The following TRHDE variants were observed in gnomAD, a reference collection of about 807,000 sequenced individuals.
TRHDE encodes the protein thyrotropin-releasing hormone-degrading ectoenzyme.
In TRHDE, 72 loss-of-function variants were observed where a neutral mutation model predicts 125.7. The ratio of observed to expected loss-of-function variants is 0.57; its 90% CI spans 0.47 to 0.70. The LOEUF (loss-of-function observed/expected upper bound fraction) is 0.70, where lower values mean the gene tolerates loss of function less well. TRHDE is among the 30% of genes least tolerant of loss of function. The pLI is 0.00. For missense variants in TRHDE, 1,110 were observed against 1,327.1 expected (o/e 0.84, Z 2.54); for synonymous variants, 509 against 509.1 (o/e 1.00, Z 0.00).
chr12:72,465,234 GGTACAGTAAT>G (rs1876314431), intron 3 of TRHDE, among the ~76,000 whole-genome samples: 6 of 151,700 alleles, frequency 4.0e-5, no homozygotes, highest in Admixed American at 3.3e-4. Flanking sequence ...GCTTCATTCA[GGTACAGTAAT>G]GTACAGTAAG....
At chr12:72,384,916 A>G (rs1592407569) in intron 3 of TRHDE, among the ~76,000 whole-genome samples, 1 of 152,068 alleles carries the variant, frequency 6.6e-6, no homozygotes, top group African/African-American at 2.4e-5. Context: ...TGGACATTTT[A>G]TCCTCTGTGG....
chr12:72,360,068 C>A (rs73145000), intron 2 of TRHDE, among the ~76,000 whole-genome samples: 4,834 of 151,678 alleles, frequency 0.032, 107 homozygotes, highest in Non-Finnish European at 0.046. Flanking sequence ...AAAATGAGAT[C>A]CCTATTTCAC....
intron 2 of TRHDE, among the ~76,000 whole-genome samples, chr12:72,165,602 G>A (rs1876727098): frequency 6.6e-6 from 1 of 151,684 alleles, no homozygotes; most frequent in African/African-American, 2.4e-5. Flanking sequence ...ATATATACAT[G>A]TATGTATATA....
chr12:72,497,751 T>C (rs1035871233), intron 5 of TRHDE, among the ~76,000 whole-genome samples: 2 of 152,126 alleles, frequency 1.3e-5, no homozygotes, highest in South Asian at 2.1e-4. Context: ...TCTTTTGAAA[T>C]TGATACATAA....
rs116044982 is a variant in TRHDE at position 72,251,512 on chromosome 12, G to T, written n.280-126483G>T. Among the ~76,000 whole-genome samples, 620 of 148,960 alleles carry T rather than the reference G, an allele frequency of 4.2e-3. 6 individuals are homozygous for T. The highest frequency in any genetic ancestry group is 0.014 in the African/African-American group (556 of 40,396). On this transcript the variant is annotated intron_variant and non_coding_transcript_variant, in intron 2 of 4. Coordinates refer to the TRHDE transcript ENST00000548156. Reference sequence around the variant, plus strand: ...ATAGTTCATTCCTTTTTATTGCTGAGTTCTACTTCATGGTAGATATAGATG... The same window carrying T: ...ATAGTTCATTCCTTTTTATTGCTGATTTCTACTTCATGGTAGATATAGATG...
At chr12:72,097,819 T>C (rs1265891856) in intron 1 of TRHDE, among the ~76,000 whole-genome samples, 1 of 152,080 alleles carries the variant, frequency 6.6e-6, no homozygotes, top group Non-Finnish European at 1.5e-5. Flanking sequence ...TGTCACAGAT[T>C]TCAGAGTTAA....
At chr12:72,475,618 T>A (rs753586528) in intron 5 of TRHDE, among the ~76,000 whole-genome samples, 8 of 152,178 alleles carry the variant, frequency 5.3e-5, no homozygotes, top group Non-Finnish European at 1.0e-4. Flanking sequence ...GGAAAATATT[T>A]TTAGAGGTAT....
intron 2 of TRHDE, among the ~76,000 whole-genome samples, chr12:72,183,474 T>C (rs1164710414): frequency 1.3e-5 from 2 of 152,178 alleles, no homozygotes; most frequent in Non-Finnish European, 2.9e-5. Flanking sequence ...TGTGAATACA[T>C]TTGTCATAGT....
chr12:72,583,317 G>A (rs963883810), intron 12 of TRHDE, among the ~76,000 whole-genome samples: 9 of 152,138 alleles, frequency 5.9e-5, no homozygotes, highest in South Asian at 2.1e-4. Flanking sequence ...TTTCTAACCG[G>A]TATAAGTTGT....
At chr12:72,420,778 G>A (rs986658735) in intron 3 of TRHDE, among the ~76,000 whole-genome samples, 7 of 152,080 alleles carry the variant, frequency 4.6e-5, no homozygotes, top group African/African-American at 1.7e-4. Flanking sequence ...CAAATGTAGG[G>A]AATATATCTC....
intron 2 of TRHDE, among the ~76,000 whole-genome samples, chr12:72,111,972 G>T (rs987801470): frequency 3.9e-5 from 6 of 151,952 alleles, no homozygotes; most frequent in African/African-American, 1.5e-4. Flanking sequence ...ACAGTGTTTG[G>T]TTGGGGGAAA....
rs375658819 is a variant in TRHDE, at chr12:72,666,707, C to T, written c.*3512C>T. On this transcript the variant is annotated 3_prime_UTR_variant, in exon 19 of 19. Transcript: ENST00000261180. ...GGAGATTTTCCAAATACTAGACCAG[C>T]ATCAAAATACACAGTTAAATATATT... 1 of 152,038 alleles carries T rather than the reference C, an allele frequency of 6.6e-6. No individual in the cohort carries two copies. Among genetic ancestry groups the T allele is most frequent in the African/African-American group, 2.4e-5 (1 of 41,424 alleles). 9.4% of individuals were successfully genotyped at this position (152,038 alleles called of 1,614,324 possible). A position where few individuals can be genotyped will look rare whatever the true frequency, so the allele number is the denominator to read the frequency against.
chr12:72,295,992 T>C (rs1880285281), intron 2 of TRHDE, among the ~76,000 whole-genome samples: 1 of 152,242 alleles, frequency 6.6e-6, no homozygotes, highest in Non-Finnish European at 1.5e-5. Flanking sequence ...TCCTCTCTAC[T>C]TTTTGAAAAC....
chr12:72,136,784 GT>G (rs1875996144), intron 2 of TRHDE, among the ~76,000 whole-genome samples: 1 of 152,164 alleles, frequency 6.6e-6, no homozygotes, highest in Non-Finnish European at 1.5e-5. Context: ...CCCAGCACCT[GT>G]TTTTTTATGG....
chr12:72,258,566 T>C (rs1222372463), intron 2 of TRHDE, among the ~76,000 whole-genome samples: 1 of 152,140 alleles, frequency 6.6e-6, no homozygotes, highest in Non-Finnish European at 1.5e-5. Flanking sequence ...TTACAGAAAA[T>C]TTACATGAAT....
chr12:72,562,496 T>C (rs1870226030), intron 8 of TRHDE, among the ~76,000 whole-genome samples: 1 of 147,398 alleles, frequency 6.8e-6, no homozygotes, highest in African/African-American at 2.5e-5. Context: ...TGTAAGATAT[T>C]CATGTTAAAA....
chr12:72,134,338 A>G (rs976791799), intron 2 of TRHDE, among the ~76,000 whole-genome samples: 3 of 152,144 alleles, frequency 2.0e-5, no homozygotes, highest in African/African-American at 7.2e-5. Flanking sequence ...TGGAGAAAAA[A>G]AAGTTGGAGG....
intron 7 of TRHDE, among the ~76,000 whole-genome samples, chr12:72,544,961 G>GACT (rs1869344002): frequency 6.6e-6 from 1 of 151,354 alleles, no homozygotes; most frequent in South Asian, 2.1e-4. Flanking sequence ...AGAGACTCTA[G>GACT]AGGCTTTCTG....
At chr12:72,518,870 G>T (rs947683490) in intron 6 of TRHDE, among the ~76,000 whole-genome samples, 12 of 152,000 alleles carry the variant, frequency 7.9e-5, no homozygotes, top group Non-Finnish European at 5.9e-5. Context: ...GCATTTGCTT[G>T]TCTGTAAAGT....
Sources: allele counts gnomAD v4.1 joint callset (sites outside exome capture counted in the v4.1 genomes callset), GRCh38; gene constraint gnomAD v4.1.1; transcripts MANE v1.5; gene names NCBI Gene and HGNC (gene_info 2026-07-23, HGNC 2026-07-21).